Variants in TPST1 observed in about 807,000 individuals in gnomAD.
TPST1 encodes the protein tyrosylprotein sulfotransferase 1, also known as protein-tyrosine sulfotransferase 1.
Under a neutral mutation model 34.8 loss-of-function variants are expected in TPST1, and 20 were observed. The observed-to-expected ratio is 0.57, with a 90% CI of 0.40 to 0.84. TPST1 has a LOEUF of 0.84. Among genes scored for constraint, TPST1 ranks in the 40% least tolerant of loss-of-function variants. The pLI, the probability that TPST1 is intolerant of heterozygous loss-of-function variation, is 0.00. For missense variants in TPST1, 353 were observed against 455.5 expected (o/e 0.78, Z 2.05); for synonymous variants, 152 against 159.4 (o/e 0.95, Z 0.35).
At chr7:66,337,391 C>T (rs930744368) in intron 3 of TPST1, among the ~76,000 whole-genome samples, 2 of 148,000 alleles carry the variant, frequency 1.4e-5, no homozygotes, top group African/African-American at 5.0e-5. Flanking sequence ...CTCACTGCAA[C>T]CTGCACCTCC....
intron 2 of TPST1, among the ~76,000 whole-genome samples, chr7:66,254,617 T>C (rs1790345342): frequency 6.6e-6 from 1 of 152,154 alleles, no homozygotes; most frequent in Non-Finnish European, 1.5e-5. Context: ...TTTTCCAGGC[T>C]GGTCTCAAAC....
At chr7:66,211,813 A>G (rs942348599) in intron 1 of TPST1, among the ~76,000 whole-genome samples, 1 of 152,170 alleles carries the variant, frequency 6.6e-6, no homozygotes, top group South Asian at 2.1e-4. Context: ...TAAAAATACA[A>G]TAATTAGCTG....
chr7:66,199,294 C>CTTTT, the TPST1 span, among the ~76,000 whole-genome samples: 1,060 of 125,814 alleles, frequency 8.4e-3, 26 homozygotes, highest in Non-Finnish European at 0.01. Flanking sequence ...TCATCTCCTT[C>CTTTT]TTTTTTTTTT....
At chr7:66,228,924 T>C (rs1433423496) in intron 1 of TPST1, among the ~76,000 whole-genome samples, 1 of 152,228 alleles carries the variant, frequency 6.6e-6, no homozygotes, top group African/African-American at 2.4e-5. Flanking sequence ...AATTACTACA[T>C]AATAAAATAG....
chr7:66,213,096 CT>C, intron 1 of TPST1, among the ~76,000 whole-genome samples: 1 of 152,200 alleles, frequency 6.6e-6, no homozygotes, highest in South Asian at 2.1e-4. Flanking sequence ...GCAGATTTGT[CT>C]TTTACCACAT....
At chr7:66,309,166 T>C (rs768389589) in intron 3 of TPST1, among the ~76,000 whole-genome samples, 5 of 152,212 alleles carry the variant, frequency 3.3e-5, no homozygotes, top group Non-Finnish European at 7.3e-5. Context: ...CCCAAAGTGC[T>C]GGGATTACAG....
At chr7:66,240,089 G>A (rs1387382355) in intron 1 of TPST1, among the ~76,000 whole-genome samples, 2 of 151,906 alleles carry the variant, frequency 1.3e-5, no homozygotes, top group East Asian at 1.9e-4. Flanking sequence ...GGGTTTCACC[G>A]TGTTGGCCGG....
At chr7:66,266,945 T>C (rs1790604884) in intron 2 of TPST1, among the ~76,000 whole-genome samples, 1 of 152,216 alleles carries the variant, frequency 6.6e-6, no homozygotes, top group Admixed American at 6.5e-5. Flanking sequence ...AGGTGGTGGT[T>C]ACATGGCTGT....
chr7:66,233,860 C>T (rs1789849381), intron 1 of TPST1, among the ~76,000 whole-genome samples: 1 of 152,170 alleles, frequency 6.6e-6, no homozygotes, highest in African/African-American at 2.4e-5. Flanking sequence ...TGGCCTACTT[C>T]CTGCTTCTTT....
intron 1 of TPST1, among the ~76,000 whole-genome samples, chr7:66,229,794 A>G (rs1789739336): frequency 6.6e-6 from 1 of 152,186 alleles, no homozygotes; most frequent in Non-Finnish European, 1.5e-5. Flanking sequence ...AGCACGGTTC[A>G]GTATATTTTA....
In TPST1 at chr7:66,360,047, C is replaced by T. The variant is rs757765323; in HGVS notation, c.*182C>T. On this transcript the variant is annotated 3_prime_UTR_variant, in exon 6 of 6. Transcript: ENST00000304842. ...TGGAGGTGTCCGCACAGCTTTGGGCCTCGTGAGGGATCTGCCTCCTGAGCA... is the reference window on the plus strand; with the variant it reads ...TGGAGGTGTCCGCACAGCTTTGGGCTTCGTGAGGGATCTGCCTCCTGAGCA... The T allele has an allele frequency of 1.1e-5, 5 of 439,986 alleles. No individual in the cohort carries two copies. Among genetic ancestry groups the T allele is most frequent in the Admixed American group, 7.2e-5 (3 of 41,732 alleles). The allele number at this position is 439,986 out of a possible 1,614,324, so 27.3% of individuals were successfully genotyped here.
chr7:66,274,388 C>T lies in TPST1; in HGVS notation c.846-12123C>T, dbSNP rs144654676. 1.4e-4 allele frequency among the ~76,000 whole-genome samples: 21 copies of T among 151,628 alleles called. No individual in the cohort carries two copies. The East Asian group carries it at 2.2e-3, about 16-fold the overall frequency. ...TCTGAAAAAAAAAAAAAGATCCACT[C>T]GGCCTCTCAAAGTGCTGGGATTACA... On this transcript the variant is annotated intron_variant, in intron 2 of 5. Coordinates refer to ENST00000304842, the MANE Select transcript of TPST1 (RefSeq NM_003596.4).
intron 3 of TPST1, among the ~76,000 whole-genome samples, chr7:66,313,560 G>C (rs184895203): frequency 1.3e-5 from 2 of 152,216 alleles, no homozygotes; most frequent in East Asian, 3.9e-4. Flanking sequence ...AGTAATATTT[G>C]GACCTCTATG....
At chr7:66,284,133 AAGTCTTTTATTTTAG>A (rs559639395) in intron 2 of TPST1, among the ~76,000 whole-genome samples, 24 of 152,338 alleles carry the variant, frequency 1.6e-4, no homozygotes, top group South Asian at 1.5e-3. Context: ...AGCCTTTGCA[AAGTCTTTTATTTTAG>A]AGCTCTTTTT....
chr7:66,302,174 A>G (rs1291209603), intron 3 of TPST1, among the ~76,000 whole-genome samples: 2 of 152,258 alleles, frequency 1.3e-5, no homozygotes, highest in Non-Finnish European at 2.9e-5. Context: ...CAGTGAATCA[A>G]GCTGAGCTGG....
intron 2 of TPST1, among the ~76,000 whole-genome samples, chr7:66,253,835 A>G (rs1219669277): frequency 1.3e-5 from 2 of 151,596 alleles, no homozygotes; most frequent in Non-Finnish European, 2.9e-5. Context: ...GTAAGGAGTT[A>G]TACCCCAGCC....
chr7:66,261,287 T>A (rs1350661856), intron 2 of TPST1, among the ~76,000 whole-genome samples: 1 of 151,934 alleles, frequency 6.6e-6, no homozygotes, highest in Non-Finnish European at 1.5e-5. Context: ...GCCTTTCATT[T>A]ATAGATATTT....
intron 2 of TPST1, among the ~76,000 whole-genome samples, chr7:66,276,336 T>G (rs1790810327): frequency 8.8e-6 from 1 of 113,874 alleles, no homozygotes; most frequent in Non-Finnish European, 1.8e-5. Context: ...TTGAATTGTT[T>G]TATTTCTTCT....
At chr7:66,339,831 C>T (rs1311207975) in intron 3 of TPST1, among the ~76,000 whole-genome samples, 4 of 41,606 alleles carry the variant, frequency 9.6e-5, no homozygotes, top group Non-Finnish European at 1.9e-4. Context: ...TACCCCTCAA[C>T]CTAAAAAAAA....
Sources: allele counts gnomAD v4.1 joint callset (sites outside exome capture counted in the v4.1 genomes callset), GRCh38; gene constraint gnomAD v4.1.1; transcripts MANE v1.5; gene names NCBI Gene and HGNC (gene_info 2026-07-23, HGNC 2026-07-21).